Variants in CEMIP2 observed in about 807,000 individuals in gnomAD.
The protein encoded by CEMIP2 is cell migration inducing hyaluronidase 2.
In CEMIP2, 79 loss-of-function variants were observed where a neutral mutation model predicts 146.9. The ratio of observed to expected loss-of-function variants is 0.54; its 90% CI spans 0.45 to 0.65. The LOEUF (loss-of-function observed/expected upper bound fraction) is 0.65. Among genes scored for constraint, CEMIP2 ranks in the 30% least tolerant of loss-of-function variants. The probability of loss-of-function intolerance (pLI) is 0.00; values close to 1 mark genes in which losing one functional copy is unlikely to be tolerated. For missense variants in CEMIP2, 1,596 were observed against 1,696.2 expected (o/e 0.94, Z 1.04); for synonymous variants, 601 against 606.3 (o/e 0.99, Z 0.13).
intron 22 of CEMIP2, among the ~76,000 whole-genome samples, chr9:71,688,936 C>A (rs895878926): frequency 6.6e-6 from 1 of 152,166 alleles, no homozygotes; most frequent in Non-Finnish European, 1.5e-5. Context: ...CAAACGAAAC[C>A]TATCTGCATA....
chr9:71,757,936 ATAAT>A (rs1466189622), intron 1 of CEMIP2, among the ~76,000 whole-genome samples: 20 of 152,360 alleles, frequency 1.3e-4, no homozygotes, highest in African/African-American at 4.6e-4. Flanking sequence ...TTTCAAATAA[ATAAT>A]TAAGTGTGAC....
At chr9:71,732,711 T>C (rs1465031128) in intron 6 of CEMIP2, among the ~76,000 whole-genome samples, 191 bp from the exon 7 acceptor site, 1 of 122,926 alleles carries the variant, frequency 8.1e-6, no homozygotes, top group Non-Finnish European at 1.7e-5. Flanking sequence ...TTTTTTTTTT[T>C]TTTTTTTTTT....
chr9:71,715,107 AT>A lies in CEMIP2; in HGVS notation c.2436-19del. On this transcript the variant is annotated intron_variant, in intron 14 of 23. Transcript: ENST00000377044. ...TTCCATCACTGTTAAAATGCGAACAATCATTAGCTACATTTCTCCAGAAAAT... is the reference window on the plus strand; with the variant it reads ...TTCCATCACTGTTAAAATGCGAACAACATTAGCTACATTTCTCCAGAAAAT... The A allele has an allele frequency of 6.2e-7, 1 of 1,610,820 alleles. No individual in the cohort carries two copies. Among genetic ancestry groups the A allele is most frequent in the Non-Finnish European group, 8.5e-7 (1 of 1,178,742 alleles).
At chr9:71,767,565 C>T (rs571530910) in intron 1 of CEMIP2, among the ~76,000 whole-genome samples, 44 of 152,332 alleles carry the variant, frequency 2.9e-4, no homozygotes, top group Non-Finnish European at 5.1e-4. Context: ...TCTGGTGACA[C>T]TCATCAACCC....
rs1179462242 is a variant in CEMIP2 at position 71,745,139 on chromosome 9, C to A, written c.913G>T (p.Asp305Tyr). ...RRLQEFLRFQ[D>Y]PGRIVAIAVG... ...GCTATGGCAACAATCCGACCTGGAT[C>A]CTGGAATCTCAGAAACTCCTGAAGC... The change falls in exon 4 of 24, where the codon GAT (aspartate) becomes TAT (tyrosine). Residue 305 changes from aspartate (D) to tyrosine (Y), a missense_variant. Physicochemically the swap from Asp to Tyr is radical, Grantham distance 160 (BLOSUM62 -3). Transcript: ENST00000377044. 3.1e-6 allele frequency: 5 copies of A among 1,614,036 alleles called. No individual in the cohort carries two copies. The highest frequency in any genetic ancestry group is 4.2e-6 in the Non-Finnish European group (5 of 1,180,010).
At chr9:71,739,812 T>A (rs1193521874) in intron 5 of CEMIP2, among the ~76,000 whole-genome samples, 1 of 152,178 alleles carries the variant, frequency 6.6e-6, no homozygotes, top group Admixed American at 6.5e-5. Flanking sequence ...CTGTATTTTA[T>A]GCGTGGCCCA....
At chr9:71,761,168 G>A (rs1317528482) in intron 1 of CEMIP2, among the ~76,000 whole-genome samples, 1 of 152,230 alleles carries the variant, frequency 6.6e-6, no homozygotes, top group Non-Finnish European at 1.5e-5. Flanking sequence ...TCCTGACAGA[G>A]GCTGATTTAA....
chr9:71,740,402 T>C (rs2131992687), intron 4 of CEMIP2, among the ~76,000 whole-genome samples, 170 bp from the exon 5 acceptor site: 1 of 152,336 alleles, frequency 6.6e-6, no homozygotes, highest in East Asian at 1.9e-4. Flanking sequence ...CACCTAGTTC[T>C]CCTAGAAGGA....
chr9:71,708,698 C>G (rs1024587257), intron 17 of CEMIP2, among the ~76,000 whole-genome samples: 7 of 152,112 alleles, frequency 4.6e-5, no homozygotes, highest in Admixed American at 2.6e-4. Context: ...CAATGTATAT[C>G]ATCTCCTCCA....
intron 22 of CEMIP2, among the ~76,000 whole-genome samples, chr9:71,689,270 G>C (rs1822158217): frequency 1.3e-5 from 2 of 152,186 alleles, no homozygotes; most frequent in South Asian, 4.1e-4. Flanking sequence ...GTTCTATAAA[G>C]CATAAGCTAT....
intron 5 of CEMIP2, among the ~76,000 whole-genome samples, chr9:71,739,672 T>C (rs749047952): frequency 6.6e-6 from 1 of 152,194 alleles, no homozygotes; most frequent in Non-Finnish European, 1.5e-5. Context: ...TAAAACAAGC[T>C]TGTCCAACTC....
intron 12 of CEMIP2, among the ~76,000 whole-genome samples, chr9:71,720,955 T>G (rs1823216101): frequency 6.6e-6 from 1 of 152,174 alleles, no homozygotes; most frequent in Non-Finnish European, 1.5e-5. Context: ...AGGAACTACT[T>G]AAGCCATTAT....
At chr9:71,699,376 A>T in intron 19 of CEMIP2, 1 of 442,886 alleles carries the variant, frequency 2.3e-6, no homozygotes, top group South Asian at 1.6e-5. Flanking sequence ...AGCCCAGGAG[A>T]TCAAGGCTGT....
chr9:71,692,338 CTCTCTCTCTCTCTCTCTCTACCCCCCA>C (rs1822255968), intron 21 of CEMIP2, among the ~76,000 whole-genome samples: 2 of 105,468 alleles, frequency 1.9e-5, no homozygotes, highest in South Asian at 6.5e-4. Flanking sequence ...CTCTCCCCAT[CTCTCTCTCTCTCTCTCTCTACCCCCCA>C]TCTCTCTCTC....
intron 13 of CEMIP2, among the ~76,000 whole-genome samples, chr9:71,717,095 A>G (rs4745119): frequency 6.6e-6 from 1 of 152,116 alleles, no homozygotes; most frequent in Non-Finnish European, 1.5e-5. Context: ...TTGCTTGAGC[A>G]TAGAAAGTTG....
chr9:71,741,688 G>C (rs1823924646), intron 4 of CEMIP2, among the ~76,000 whole-genome samples: 1 of 118,758 alleles, frequency 8.4e-6, no homozygotes, highest in Non-Finnish European at 1.6e-5. Flanking sequence ...GCCTAGGCTA[G>C]AGTGCAATGG....
At chr9:71,694,638 C>T in intron 20 of CEMIP2, 31 bp from the exon 21 acceptor site, 12 of 1,406,240 alleles carry the variant, frequency 8.5e-6, no homozygotes, top group Non-Finnish European at 1.0e-5. Flanking sequence ...ATATTTATGG[C>T]AACTCTTACC....
rs147101795 is a variant in CEMIP2 at position 71,700,767 on chromosome 9, G to C, written c.3252C>G (p.Thr1084=). The C allele has an allele frequency of 1.4e-4, 227 of 1,614,014 alleles. No individual in the cohort carries two copies. The African/African-American group carries it at 2.8e-3, about 20-fold the overall frequency. The part of the protein sequence containing the change: ...CYPSNTSFQV[T]FGYLQRQNGS... ...CATTCTGCCGCTGCAAATAGCCAAA[G>C]GTAACTTGAAAACTTGTGTTTGATG... The change falls in exon 19 of 24, where the codon ACC becomes ACG. Residue 1084 remains threonine (T), a synonymous_variant. Coordinates refer to ENST00000377044, the MANE Select transcript of CEMIP2 (RefSeq NM_013390.3).
intron 1 of CEMIP2, among the ~76,000 whole-genome samples, chr9:71,764,869 G>T (rs949457985): frequency 6.0e-5 from 9 of 151,152 alleles, no homozygotes; most frequent in Non-Finnish European, 1.2e-4. Context: ...GAGAAAACTA[G>T]TAATGGGGAT....
Sources: gnomAD v4.1 joint callset for allele counts (sites outside exome capture counted in the v4.1 genomes callset) on GRCh38, gnomAD v4.1.1 for gene constraint, MANE v1.5 for transcripts, NCBI Gene and HGNC (gene_info 2026-07-23, HGNC 2026-07-21) for gene names.